The following ASIC2 variants were observed in gnomAD, a reference collection of about 807,000 sequenced individuals.
ASIC2 encodes acid-sensing ion channel 2.
A neutral mutation model predicts 57.3 loss-of-function variants in ASIC2; 25 were observed. The observed-to-expected ratio is 0.44, with a 90% CI of 0.32 to 0.61. The LOEUF (loss-of-function observed/expected upper bound fraction) is 0.61, where lower values mean the gene tolerates loss of function less well. Ranked by LOEUF, ASIC2 falls within the 20% of genes least tolerant of loss-of-function variation. The pLI is 0.06. For synonymous variants in ASIC2, 319 were observed against 307.5 expected (o/e 1.04, Z -0.39); for missense variants, 641 against 738.1 (o/e 0.87, Z 1.52).
At chr17:33,585,511 C>T (rs558535617) in intron 1 of ASIC2, among the ~76,000 whole-genome samples, 1 of 152,298 alleles carries the variant, frequency 6.6e-6, no homozygotes, top group Non-Finnish European at 1.5e-5. Flanking sequence ...TTCCTTCCCA[C>T]CCAGAGTGGA....
At chr17:33,823,140 T>A (rs1421869775) in intron 1 of ASIC2, among the ~76,000 whole-genome samples, 5 of 152,150 alleles carry the variant, frequency 3.3e-5, no homozygotes, top group African/African-American at 7.2e-5. Context: ...CCCTGTTCAG[T>A]AGTGGGGGCT....
intron 1 of ASIC2, among the ~76,000 whole-genome samples, chr17:33,144,559 T>C (rs781566659): frequency 2.6e-5 from 4 of 152,168 alleles, no homozygotes; most frequent in Non-Finnish European, 4.4e-5. Flanking sequence ...CTCTTATGTG[T>C]AAGTGAGAGA....
At chr17:33,594,343 G>T (rs1175450562) in intron 1 of ASIC2, among the ~76,000 whole-genome samples, 1 of 152,216 alleles carries the variant, frequency 6.6e-6, no homozygotes, top group East Asian at 1.9e-4. Flanking sequence ...CTCTGGGGAT[G>T]GCTGGATCAG....
chr17:33,585,833 T>A (rs1269472849), intron 1 of ASIC2, among the ~76,000 whole-genome samples: 3 of 152,238 alleles, frequency 2.0e-5, no homozygotes. Context: ...ATTTATATCT[T>A]TTACTTTATT....
intron 1 of ASIC2, among the ~76,000 whole-genome samples, chr17:33,228,470 G>A (rs1332133729): frequency 2.0e-5 from 3 of 152,258 alleles, no homozygotes; most frequent in Non-Finnish European, 4.4e-5. Flanking sequence ...GCACGAGGGT[G>A]TGTCACATCC....
intron 1 of ASIC2, among the ~76,000 whole-genome samples, chr17:33,273,473 G>C (rs535290356): frequency 6.6e-6 from 1 of 152,338 alleles, no homozygotes; most frequent in East Asian, 1.9e-4. Context: ...ACACAGGAAG[G>C]ACCTGGGAGA....
intron 1 of ASIC2, among the ~76,000 whole-genome samples, chr17:33,149,026 G>A (rs1904676931): frequency 6.6e-6 from 1 of 152,142 alleles, no homozygotes; most frequent in African/African-American, 2.4e-5. Context: ...TTCAGGAGGT[G>A]GAGGTTGCAG....
intron 1 of ASIC2, among the ~76,000 whole-genome samples, chr17:33,482,639 C>T (rs1224047134): frequency 6.6e-6 from 1 of 152,214 alleles, no homozygotes; most frequent in Non-Finnish European, 1.5e-5. Context: ...GTCAGGATTT[C>T]AGTGACTTGT....
intron 1 of ASIC2, among the ~76,000 whole-genome samples, chr17:33,656,287 A>G (rs1254472376): frequency 6.6e-6 from 1 of 152,206 alleles, no homozygotes; most frequent in African/African-American, 2.4e-5. Context: ...GGAGAGAGAA[A>G]GAGAATCAGA....
intron 1 of ASIC2, among the ~76,000 whole-genome samples, chr17:33,482,116 G>T: frequency 6.6e-6 from 1 of 152,202 alleles, no homozygotes; most frequent in East Asian, 1.9e-4. Context: ...CAGCCAGATT[G>T]CTCTGATGCA....
chr17:33,845,312 T>G (rs1913549724), intron 1 of ASIC2, among the ~76,000 whole-genome samples: 1 of 152,226 alleles, frequency 6.6e-6, no homozygotes, highest in Non-Finnish European at 1.5e-5. Flanking sequence ...TTATCATGTA[T>G]GCCAAGGGAA....
At chr17:33,656,606 T>C (rs1262317527) in intron 1 of ASIC2, among the ~76,000 whole-genome samples, 1 of 152,178 alleles carries the variant, frequency 6.6e-6, no homozygotes, top group Non-Finnish European at 1.5e-5. Context: ...ATCAGGAATA[T>C]GCTCTCTATT....
intron 1 of ASIC2, among the ~76,000 whole-genome samples, chr17:33,229,543 T>G (rs1908013327): frequency 6.6e-6 from 1 of 152,110 alleles, no homozygotes; most frequent in Non-Finnish European, 1.5e-5. Context: ...GAGCTGGACC[T>G]TGAAAGGCAG....
chr17:33,337,958 CA>C, intron 1 of ASIC2, among the ~76,000 whole-genome samples: 1 of 144,626 alleles, frequency 6.9e-6, no homozygotes, highest in Non-Finnish European at 1.5e-5. Flanking sequence ...TCTGGAAGGG[CA>C]AAGAGGATGC....
chr17:33,884,662 T>C (rs1197604744), intron 1 of ASIC2, among the ~76,000 whole-genome samples: 5 of 152,116 alleles, frequency 3.3e-5, no homozygotes, highest in Admixed American at 6.6e-5. Flanking sequence ...CCTCCCTCCA[T>C]GCAGGCTCTT....
chr17:33,689,140 G>A (rs1003682357), intron 1 of ASIC2: 2 of 152,186 alleles, frequency 1.3e-5, no homozygotes, highest in African/African-American at 4.8e-5. Context: ...ACCCTCAGTT[G>A]AAAGACAATA....
chr17:33,857,271 G>T (rs1913984999), intron 1 of ASIC2, among the ~76,000 whole-genome samples: 1 of 152,142 alleles, frequency 6.6e-6, no homozygotes. Context: ...TTCCCTAAGA[G>T]TAGAATTAAA....
At chr17:33,669,243 C>A (rs1907572966) in intron 1 of ASIC2, among the ~76,000 whole-genome samples, 1 of 152,136 alleles carries the variant, frequency 6.6e-6, no homozygotes. Flanking sequence ...CCCCAGGCAC[C>A]ACACATCGTT....
At chr17:33,432,904 T>C (rs1021731514) in intron 1 of ASIC2, among the ~76,000 whole-genome samples, 1 of 152,160 alleles carries the variant, frequency 6.6e-6, no homozygotes, top group Non-Finnish European at 1.5e-5. Flanking sequence ...AAAAAATAAC[T>C]GATGTTGGCA....
Sources: allele counts gnomAD v4.1 joint callset (sites outside exome capture counted in the v4.1 genomes callset), GRCh38; gene constraint gnomAD v4.1.1; transcripts MANE v1.5; gene names NCBI Gene and HGNC (gene_info 2026-07-23, HGNC 2026-07-21).